RBFOX1: variants seen among roughly 807,000 people sequenced by gnomAD.
RBFOX1 encodes the protein RNA binding protein fox-1 homolog 1.
In RBFOX1, 8 loss-of-function variants were observed where a neutral mutation model predicts 57.7. The ratio of observed to expected loss-of-function variants is 0.14; its 90% CI spans 0.08 to 0.25. The LOEUF (loss-of-function observed/expected upper bound fraction) is 0.25. RBFOX1 is among the 10% of genes least tolerant of loss of function. RBFOX1 has a pLI of 1.00. For synonymous variants in RBFOX1, 326 were observed against 222.4 expected (o/e 1.47, Z -4.15); for missense variants, 611 against 548.5 (o/e 1.11, Z -1.14).
chr16:6,690,758 C>CTTTTTTT (rs71145276), intron 3 of RBFOX1, among the ~76,000 whole-genome samples: 1 of 141,074 alleles, frequency 7.1e-6, no homozygotes, highest in African/African-American at 2.6e-5. Context: ...TTCTTTCTTT[C>CTTTTTTT]TTTTTTTTTT....
At chr16:6,524,777 C>T (rs2096555986) in intron 2 of RBFOX1, among the ~76,000 whole-genome samples, 1 of 152,126 alleles carries the variant, frequency 6.6e-6, no homozygotes, top group Non-Finnish European at 1.5e-5. Flanking sequence ...CCTTGGCATT[C>T]CTTGGTGTGT....
chr16:6,425,569 A>G (rs1297357660), intron 2 of RBFOX1, among the ~76,000 whole-genome samples: 1 of 152,168 alleles, frequency 6.6e-6, no homozygotes, highest in African/African-American at 2.4e-5. Flanking sequence ...TACCAAAGAA[A>G]AACAAGTTTA....
chr16:5,784,294 G>C (rs1431567192), intron 3 of RBFOX1, among the ~76,000 whole-genome samples: 1 of 152,182 alleles, frequency 6.6e-6, no homozygotes, highest in Non-Finnish European at 1.5e-5. Context: ...GGGCGTGGTG[G>C]CTGGCGCCTG....
At chr16:7,209,513 A>G (rs1030250841) in intron 4 of RBFOX1, among the ~76,000 whole-genome samples, 9 of 152,122 alleles carry the variant, frequency 5.9e-5, no homozygotes, top group Non-Finnish European at 8.8e-5. Flanking sequence ...AGCTTATTAC[A>G]TGGCTGGCTC....
At chr16:6,935,521 A>G (rs1229600447) in intron 3 of RBFOX1, among the ~76,000 whole-genome samples, 3 of 152,218 alleles carry the variant, frequency 2.0e-5, no homozygotes, top group Admixed American at 2.0e-4. Context: ...TCTCATGGCA[A>G]TAGATAACTC....
At chr16:6,412,324 A>G (rs1238215869) in intron 2 of RBFOX1, among the ~76,000 whole-genome samples, 1 of 152,168 alleles carries the variant, frequency 6.6e-6, no homozygotes. Flanking sequence ...TCTTTCTGAT[A>G]ATATAATGCG....
At chr16:5,825,200 C>T (rs561654681) in intron 3 of RBFOX1, among the ~76,000 whole-genome samples, 3 of 152,314 alleles carry the variant, frequency 2.0e-5, no homozygotes, top group African/African-American at 4.8e-5. Context: ...ACCTTGCAAG[C>T]GTTGCTTAAC....
At chr16:5,763,027 C>G (rs1346062417) in intron 3 of RBFOX1, among the ~76,000 whole-genome samples, 1 of 152,076 alleles carries the variant, frequency 6.6e-6, no homozygotes, top group South Asian at 2.1e-4. Flanking sequence ...ACTGTTTGCA[C>G]ATATCTGTTT....
chr16:7,217,844 G>A (rs2152828894), intron 4 of RBFOX1, among the ~76,000 whole-genome samples: 1 of 152,314 alleles, frequency 6.6e-6, no homozygotes, highest in South Asian at 2.1e-4. Context: ...ACTACTCACT[G>A]CATGTGTGTG....
chr16:5,602,641 G>A (rs1458267552), downstream of RBFOX1, among the ~76,000 whole-genome samples: 1 of 152,150 alleles, frequency 6.6e-6, no homozygotes, highest in Non-Finnish European at 1.5e-5. Flanking sequence ...CAGATGGAAA[G>A]TTCAACTAAA....
intron 1 of RBFOX1, among the ~76,000 whole-genome samples, chr16:5,358,600 G>C (rs1023002243): frequency 3.3e-5 from 5 of 152,150 alleles, no homozygotes; most frequent in Non-Finnish European, 7.3e-5. Flanking sequence ...AAAGCAGGTG[G>C]ATCACCTGAG....
intron 2 of RBFOX1, among the ~76,000 whole-genome samples, chr16:6,611,852 G>T (rs769253869): frequency 1.3e-5 from 2 of 152,072 alleles, no homozygotes; most frequent in Non-Finnish European, 2.9e-5. Flanking sequence ...CCGCTGGGCA[G>T]TGTCCACCAT....
chr16:6,174,357 G>T (rs931554431), intron 1 of RBFOX1, among the ~76,000 whole-genome samples: 7 of 152,192 alleles, frequency 4.6e-5, no homozygotes, highest in African/African-American at 1.4e-4. Context: ...CACTTTGGGA[G>T]GCCAAGGAGG....
intron 3 of RBFOX1, among the ~76,000 whole-genome samples, chr16:6,791,998 C>G (rs1002230682): frequency 2.0e-5 from 3 of 152,180 alleles, no homozygotes; most frequent in African/African-American, 7.2e-5. Context: ...ACTTTGAACT[C>G]TGGAGTTCTG....
At chr16:5,750,441 T>C (rs2151617547) in intron 3 of RBFOX1, among the ~76,000 whole-genome samples, 1 of 152,348 alleles carries the variant, frequency 6.6e-6, no homozygotes, top group East Asian at 1.9e-4. Context: ...CTACCTTTTG[T>C]TTGGCTATGC....
At chr16:5,538,848 G>A (rs1021878506) in intron 2 of RBFOX1, among the ~76,000 whole-genome samples, 4 of 151,942 alleles carry the variant, frequency 2.6e-5, no homozygotes, top group African/African-American at 9.7e-5. Context: ...TGATGTTCTC[G>A]ATCTCCTGAC....
chr16:6,010,243 G>C (rs904554881), intron 4 of RBFOX1, among the ~76,000 whole-genome samples: 1 of 152,122 alleles, frequency 6.6e-6, no homozygotes, highest in Non-Finnish European at 1.5e-5. Context: ...GTCCAAGGAA[G>C]GCTGTAAGTG....
At chr16:7,108,521 C>G (rs150313675) in intron 4 of RBFOX1, among the ~76,000 whole-genome samples, 1 of 152,024 alleles carries the variant, frequency 6.6e-6, no homozygotes, top group African/African-American at 2.4e-5. Context: ...TTTCTAGGTA[C>G]TGAGTATATG....
At chr16:7,030,022 G>A (rs2042382244) in intron 3 of RBFOX1, among the ~76,000 whole-genome samples, 1 of 152,164 alleles carries the variant, frequency 6.6e-6, no homozygotes, top group African/African-American at 2.4e-5. Flanking sequence ...CCCTTTATGG[G>A]AAAAGTGGAG....
Sources: allele counts gnomAD v4.1 joint callset (sites outside exome capture counted in the v4.1 genomes callset), GRCh38; gene constraint gnomAD v4.1.1; transcripts MANE v1.5; gene names NCBI Gene and HGNC (gene_info 2026-07-23, HGNC 2026-07-21).